ABCG2: variants seen among roughly 807,000 people sequenced by gnomAD.
ABCG2 encodes broad substrate specificity ATP-binding cassette transporter ABCG2.
In ABCG2, 80 loss-of-function variants were observed where a neutral mutation model predicts 73.5. The ratio of observed to expected loss-of-function variants is 1.09; its 90% CI spans 0.91 to 1.31. The LOEUF (loss-of-function observed/expected upper bound fraction) is 1.31, where lower values mean the gene tolerates loss of function less well. Ranked by LOEUF, ABCG2 falls within the 50% of genes most tolerant of loss-of-function variation. The pLI, the probability that ABCG2 is intolerant of heterozygous loss-of-function variation, is 0.00. For missense variants in ABCG2, 796 were observed against 786.2 expected (o/e 1.01, Z -0.15); for synonymous variants, 269 against 282.4 (o/e 0.95, Z 0.48).
chr4:88,091,957 C>T lies in ABCG2; in HGVS notation c.*277G>A. ...TAACTTGTCAGGAGTTTCCAGAATT[C>T]AATTCTCCTTTTTTAGATTAATAAA... On this transcript the variant is annotated 3_prime_UTR_variant, in exon 16 of 16. Transcript: ENST00000237612. The T allele has an allele frequency of 3.7e-6, 1 of 270,440 alleles. No individual in the cohort carries two copies. Among genetic ancestry groups the T allele is most frequent in the Admixed American group, 4.8e-5 (1 of 20,796 alleles). 16.8% of individuals were successfully genotyped at this position (270,440 alleles called of 1,614,324 possible). A position where few individuals can be genotyped will look rare whatever the true frequency, so the allele number is the denominator to read the frequency against.
At chr4:88,168,443 C>T (rs1286288409) in intron 1 of ABCG2, among the ~76,000 whole-genome samples, 7 of 151,060 alleles carry the variant, frequency 4.6e-5, no homozygotes, top group Admixed American at 1.3e-4. Flanking sequence ...GCTGGGATCT[C>T]GCCACTGCAC....
intron 2 of ABCG2, among the ~76,000 whole-genome samples, chr4:88,135,494 A>G (rs1054757235): frequency 2.0e-4 from 30 of 152,094 alleles, no homozygotes; most frequent in Non-Finnish European, 3.4e-4. Context: ...AGAGAGGTCA[A>G]TGCTCACCTC....
chr4:88,204,274 A>C (rs573842854), intron 1 of ABCG2, among the ~76,000 whole-genome samples: 7 of 151,882 alleles, frequency 4.6e-5, no homozygotes, highest in Non-Finnish European at 7.4e-5. Flanking sequence ...ACAAAAAATT[A>C]GCCGGGCGTG....
At chr4:88,184,630 G>T (rs1728380062) in intron 1 of ABCG2, among the ~76,000 whole-genome samples, 1 of 152,088 alleles carries the variant, frequency 6.6e-6, no homozygotes, top group Non-Finnish European at 1.5e-5. Context: ...ATTACCCAAA[G>T]AAATCTACAG....
intron 1 of ABCG2, among the ~76,000 whole-genome samples, chr4:88,225,652 A>G (rs1315948742): frequency 6.6e-6 from 1 of 152,212 alleles, no homozygotes; most frequent in Non-Finnish European, 1.5e-5. Flanking sequence ...GCATTTTAAT[A>G]TGGTATCATA....
intron 5 of ABCG2, among the ~76,000 whole-genome samples, chr4:88,124,540 C>A (rs2110027583): frequency 6.6e-6 from 1 of 152,176 alleles, no homozygotes; most frequent in Admixed American, 6.5e-5. Context: ...GACTTAAAAC[C>A]AACAAAGATC....
chr4:88,168,028 A>G (rs750694647), intron 1 of ABCG2, among the ~76,000 whole-genome samples: 5 of 138,478 alleles, frequency 3.6e-5, no homozygotes, highest in Non-Finnish European at 7.7e-5. Flanking sequence ...AGACATGGAA[A>G]GTGAAGAGAA....
upstream of ABCG2, among the ~76,000 whole-genome samples, chr4:88,163,104 G>A (rs1227760625): frequency 6.6e-6 from 1 of 152,148 alleles, no homozygotes; most frequent in Non-Finnish European, 1.5e-5. Flanking sequence ...TATAACAGAT[G>A]TATTCAGTCC....
At chr4:88,198,319 CA>C (rs1729020394) in intron 1 of ABCG2, among the ~76,000 whole-genome samples, 2 of 151,060 alleles carry the variant, frequency 1.3e-5, no homozygotes, top group African/African-American at 4.9e-5. Flanking sequence ...GGTGACAGAG[CA>C]AGACTCCATC....
chr4:88,125,142 A>G (rs34855961), intron 5 of ABCG2, among the ~76,000 whole-genome samples: 29,788 of 151,410 alleles, frequency 0.2, 3,949 homozygotes, highest in Non-Finnish European at 0.29. Flanking sequence ...AATACAAAAA[A>G]TTAGCTGGGC....
rs1289665941 is a variant in ABCG2, at chr4:88,099,399, T to C, written c.1417A>G (p.Lys473Glu). 5.6e-6 allele frequency: 9 copies of C among 1,612,370 alleles called. No homozygotes were observed. In the East Asian group the frequency reaches 2.0e-4, roughly 36 times the overall value. The stretch of plus-strand genomic sequence containing the variant: ...ATGGGTAATAAATCAGATAACAGTT[T>C]TCCAAGGAAATAAGATGACACTCTG... ...YYRVSSYFLG[K>E]LLSDLLPMRM... Residue 473 changes from lysine to glutamate, a missense_variant, in exon 12 of 16, where the codon AAA (lysine) becomes GAA (glutamate). Coordinates refer to ENST00000237612, the MANE Select transcript of ABCG2 (RefSeq NM_004827.3).
intron 1 of ABCG2, among the ~76,000 whole-genome samples, chr4:88,164,908 G>T (rs1209012801): frequency 6.6e-6 from 1 of 152,122 alleles, no homozygotes; most frequent in Non-Finnish European, 1.5e-5. Context: ...CTCCCAAGTA[G>T]CTGGGATTAC....
intron 1 of ABCG2, among the ~76,000 whole-genome samples, chr4:88,164,992 G>A (rs770626796): frequency 4.6e-5 from 7 of 152,122 alleles, no homozygotes; most frequent in Non-Finnish European, 7.4e-5. Context: ...TGCCTCAGCT[G>A]GTCTTGAACT....
At position 88,117,498 on chromosome 4, in the gene ABCG2, A is replaced by G. The variant is rs912365665; in HGVS notation, c.841+611T>C. Among the ~76,000 whole-genome samples, 211 of 151,880 alleles carry G rather than the reference A, an allele frequency of 1.4e-3. 1 individual carries two copies. The highest frequency in any genetic ancestry group is 4.9e-3 in the African/African-American group (201 of 41,354). On this transcript the variant is annotated intron_variant, in intron 7 of 15. Coordinates refer to ENST00000237612, the MANE Select transcript of ABCG2 (RefSeq NM_004827.3). ...AAAAATACAAAAAAATTAGCCGGGC[A>G]TGGTTGTGGGCGCCTGCAGTCCCAG...
At chr4:88,196,422 CTT>C (rs1334589539) in intron 1 of ABCG2, among the ~76,000 whole-genome samples, 1 of 152,196 alleles carries the variant, frequency 6.6e-6, no homozygotes, top group African/African-American at 2.4e-5. Context: ...CTTAACTACA[CTT>C]TTAACACTGA....
Position 88,099,465 on chromosome 4 carries a change from C to T in ABCG2, c.1368-17G>A, listed in dbSNP as rs749619502. 3.8e-6 allele frequency: 6 copies of T among 1,586,240 alleles called. No homozygotes were observed. The highest frequency in any genetic ancestry group is 1.8e-5 in the Admixed American group (1 of 55,518). On this transcript the variant is annotated splice_polypyrimidine_tract_variant and intron_variant, in intron 11 of 15. Transcript: ENST00000237612. Reference sequence around the variant, plus strand: ...TATTCATGTCTATAGAACAAAAATACGTATCATACATCCAAGATTAGTTTA... The same window carrying T: ...TATTCATGTCTATAGAACAAAAATATGTATCATACATCCAAGATTAGTTTA...
intron 1 of ABCG2, among the ~76,000 whole-genome samples, chr4:88,213,198 C>A (rs945251923): frequency 1.3e-5 from 2 of 152,170 alleles, no homozygotes; most frequent in Non-Finnish European, 2.9e-5. Flanking sequence ...GCCACAAAGA[C>A]CTGTAATTAT....
upstream of ABCG2, among the ~76,000 whole-genome samples, chr4:88,160,518 G>C (rs888181281): frequency 5.9e-5 from 9 of 152,016 alleles, no homozygotes; most frequent in Non-Finnish European, 1.0e-4. Flanking sequence ...GTTGAATATA[G>C]CATTCTGTAA....
chr4:88,125,632 A>C (rs916338609), intron 5 of ABCG2, among the ~76,000 whole-genome samples: 2 of 149,670 alleles, frequency 1.3e-5, no homozygotes, highest in African/African-American at 2.4e-5. Context: ...AAAAAAAAAA[A>C]AAAACTGTAG....
Sources: allele counts gnomAD v4.1 joint callset (sites outside exome capture counted in the v4.1 genomes callset), GRCh38; gene constraint gnomAD v4.1.1; transcripts MANE v1.5; gene names NCBI Gene and HGNC (gene_info 2026-07-23, HGNC 2026-07-21).